TRPC5: variants seen among roughly 807,000 people sequenced by gnomAD.
TRPC5 encodes short transient receptor potential channel 5.
In TRPC5, 9 loss-of-function variants were observed where a neutral mutation model predicts 56.5. The ratio of observed to expected loss-of-function variants is 0.16; its 90% CI spans 0.10 to 0.28. The LOEUF is 0.28. TRPC5 is among the 10% of genes least tolerant of loss of function. TRPC5 has a pLI of 1.00. For missense variants in TRPC5, 469 were observed against 748.9 expected (o/e 0.63, Z 4.36); for synonymous variants, 282 against 278.5 (o/e 1.01, Z -0.13).
Position 111,902,188 on chromosome X carries a change from C to T in TRPC5, c.900+10103G>A, listed in dbSNP as rs1438689202. 5 of 1,087,576 alleles carry T rather than the reference C, an allele frequency of 4.6e-6. No individual in the cohort carries two copies. In the Middle Eastern group the frequency reaches 9.9e-4, roughly 214 times the overall value. The allele number at this position is 1,087,576 out of a possible 1,213,427, so 89.6% of individuals were successfully genotyped here. A position where few individuals can be genotyped will look rare whatever the true frequency, so the allele number is the denominator to read the frequency against. On this transcript the variant is annotated intron_variant, in intron 3 of 10. Coordinates refer to ENST00000262839, the MANE Select transcript of TRPC5 (RefSeq NM_012471.3). The stretch of plus-strand genomic sequence containing the variant: ...ATGATGACTTAACAGGTGACTAAGA[C>T]CCAATTTCTGCCCCCGTCCCCAGGG...
intron 1 of TRPC5, among the ~76,000 whole-genome samples, chrX:112,020,022 T>C (rs1041095248): frequency 8.9e-6 from 1 of 112,082 alleles, no homozygotes; most frequent in Non-Finnish European, 1.9e-5. Context: ...TATATAACAT[T>C]GGATTCATCC....
At chrX:111,928,014 G>C (rs1273499757) in intron 2 of TRPC5, among the ~76,000 whole-genome samples, 1 of 110,259 alleles carries the variant, frequency 9.1e-6, no homozygotes, top group African/African-American at 3.3e-5. Context: ...ATTAGGGTTG[G>C]GAAGCCATTG....
intron 7 of TRPC5, among the ~76,000 whole-genome samples, chrX:111,807,938 G>GTCTC (rs1171739056): frequency 5.6e-4 from 55 of 98,129 alleles, no homozygotes; most frequent in African/African-American, 2.1e-3. Context: ...AACAAATGGA[G>GTCTC]TCTCTCTCTC....
At chrX:111,948,713 C>G (rs1303431334) in intron 2 of TRPC5, among the ~76,000 whole-genome samples, 2 of 102,820 alleles carry the variant, frequency 1.9e-5, no homozygotes, top group Non-Finnish European at 3.9e-5. Flanking sequence ...GCCTGGGTGA[C>G]AGAGTGAGAC....
intron 4 of TRPC5, among the ~76,000 whole-genome samples, chrX:111,853,118 G>A (rs1005771694): frequency 6.3e-5 from 7 of 111,492 alleles, no homozygotes; most frequent in Admixed American, 4.8e-4. Flanking sequence ...TTCAGATCCC[G>A]GGTGGCACCT....
At chrX:111,789,243 G>C (rs1010665762) in intron 7 of TRPC5, among the ~76,000 whole-genome samples, 4 of 111,274 alleles carry the variant, frequency 3.6e-5, no homozygotes, top group Admixed American at 9.6e-5. Flanking sequence ...CAGAACAGAG[G>C]CCTCAGAAAT....
intron 1 of TRPC5, among the ~76,000 whole-genome samples, chrX:112,057,723 G>A (rs59070543): frequency 0.14 from 16,127 of 111,434 alleles, 1,557 homozygotes; most frequent in African/African-American, 0.36. Context: ...GATGATCATC[G>A]TTTCCAGATG....
chrX:112,050,693 CTA>C (rs1312423895), intron 1 of TRPC5, among the ~76,000 whole-genome samples: 1 of 112,109 alleles, frequency 8.9e-6, no homozygotes, highest in Non-Finnish European at 1.9e-5. Context: ...TCCTACTCTG[CTA>C]TGTTGTTTCC....
chrX:111,819,191 T>C (rs1223550510), intron 7 of TRPC5, among the ~76,000 whole-genome samples: 1 of 112,052 alleles, frequency 8.9e-6, no homozygotes, highest in African/African-American at 3.2e-5. Context: ...CCTTGGATTT[T>C]GAAGAACAGA....
chrX:111,997,422 G>T (rs1318245168), intron 1 of TRPC5, among the ~76,000 whole-genome samples: 1 of 111,294 alleles, frequency 9.0e-6, no homozygotes, highest in Non-Finnish European at 1.9e-5. Context: ...CTCTCTGGTT[G>T]CCCTTAACAC....
intron 2 of TRPC5, among the ~76,000 whole-genome samples, chrX:111,950,988 G>C (rs1302545113): frequency 8.9e-6 from 1 of 112,125 alleles, no homozygotes; most frequent in Non-Finnish European, 1.9e-5. Context: ...GGATGCACAG[G>C]AATGGCAGGC....
At chrX:112,019,364 C>T (rs1308069867) in intron 1 of TRPC5, among the ~76,000 whole-genome samples, 1 of 111,819 alleles carries the variant, frequency 8.9e-6, no homozygotes, top group African/African-American at 3.2e-5. Flanking sequence ...TGTGAAGGGG[C>T]ATTTGAATTA....
At chrX:111,999,628 TA>T (rs751402874) in intron 1 of TRPC5, among the ~76,000 whole-genome samples, 51 of 112,165 alleles carry the variant, frequency 4.5e-4, no homozygotes, top group African/African-American at 1.6e-3. Flanking sequence ...TTTTGGTATG[TA>T]CCCAGCAGTG....
chrX:111,892,826 G>A (rs1924866347), intron 3 of TRPC5, among the ~76,000 whole-genome samples: 1 of 111,334 alleles, frequency 9.0e-6, no homozygotes, highest in African/African-American at 3.3e-5. Flanking sequence ...TGTCTTCCAT[G>A]GGCAGCTATT....
At chrX:111,778,400 A>G (rs1193324248) in intron 10 of TRPC5, among the ~76,000 whole-genome samples, 1 of 111,600 alleles carries the variant, frequency 9.0e-6, no homozygotes, top group Non-Finnish European at 1.9e-5. Context: ...GGGAGACTGT[A>G]CTATTCATTG....
At position 112,026,522 on chromosome X, in the gene TRPC5, A is replaced by T. The variant is rs754099567; in HGVS notation, c.-22+55357T>A. On this transcript the variant is annotated intron_variant, in intron 1 of 10. Transcript: ENST00000262839. ...AATAAAACAATAAATAAAGTTAAAT[A>T]AAAGAAGGTCATGAAGCTAGAGCCT... is the stretch of plus-strand genomic sequence containing the variant. 3.9e-4 allele frequency among the ~76,000 whole-genome samples: 44 copies of T among 112,170 alleles called. 1 individual carries two copies. In the Admixed American group the frequency reaches 4.2e-3, roughly 11 times the overall value.
At chrX:111,994,953 T>C (rs1426341636) in intron 1 of TRPC5, among the ~76,000 whole-genome samples, 9 of 111,916 alleles carry the variant, frequency 8.0e-5, no homozygotes, top group African/African-American at 3.2e-5. Context: ...GAATACCCTT[T>C]ATTTCTTTCT....
chrX:111,847,033 T>A (rs3027726), intron 6 of TRPC5, 81 bp downstream of exon 6: 1 of 1,051,647 alleles, frequency 9.5e-7, no homozygotes, highest in Non-Finnish European at 1.3e-6. Context: ...AGCTGTAGGC[T>A]GAAAACAGGA....
rs1171009181 is a variant in TRPC5 at position 112,030,751 on chromosome X, G to A, written c.-22+51128C>T. Reference sequence around the variant, plus strand: ...AAGTATCCTTTCTAATTGAAATTTTGGCCTACTATACTTCATCATCAATCA... The same window carrying A: ...AAGTATCCTTTCTAATTGAAATTTTAGCCTACTATACTTCATCATCAATCA... On this transcript the variant is annotated intron_variant, in intron 1 of 10. Coordinates refer to ENST00000262839, the MANE Select transcript of TRPC5 (RefSeq NM_012471.3). Among the ~76,000 whole-genome samples, 5 of 111,486 alleles carry A rather than the reference G, an allele frequency of 4.5e-5. No individual in the cohort carries two copies. The East Asian group carries it at 1.4e-3, about 31-fold the overall frequency.
Sources: gnomAD v4.1 joint callset for allele counts (sites outside exome capture counted in the v4.1 genomes callset) on GRCh38, gnomAD v4.1.1 for gene constraint, MANE v1.5 for transcripts, NCBI Gene and HGNC (gene_info 2026-07-23, HGNC 2026-07-21) for gene names.